Variants in PTGES observed in about 807,000 individuals in gnomAD.
PTGES encodes the protein MGST1-like 1.
A neutral mutation model predicts 11.8 loss-of-function variants in PTGES; 3 were observed. That is an observed-to-expected ratio of 0.25 (90% confidence interval 0.12 to 0.66). The LOEUF (loss-of-function observed/expected upper bound fraction) is 0.66, where lower values mean the gene tolerates loss of function less well. PTGES is among the 30% of genes least tolerant of loss of function. The pLI, the probability that PTGES is intolerant of heterozygous loss-of-function variation, is 0.82. For missense variants in PTGES, 180 were observed against 213.0 expected (o/e 0.85, Z 0.96); for synonymous variants, 94 against 90.4 (o/e 1.04, Z -0.22).
rs200179410 is a variant in PTGES, at chr9:129,739,847, C to T, written c.223G>A (p.Asp75Asn). ...VERCLRAHRN[D>N]METIYPFLFL... is the part of the protein sequence containing the mutation. ...AGGAAGGGGTAGATGGTCTCCATGT[C>T]GTTCCGGTGGGCCCTGGGGAGACAA... The change falls in exon 3 of 3, where the codon GAC becomes AAC. Residue 75 changes from aspartate (D) to asparagine (N), a missense_variant. Coordinates refer to ENST00000340607, the MANE Select transcript of PTGES (RefSeq NM_004878.5). The surrounding 1 kb of genome is among the most constrained non-coding windows in gnomAD (Gnocchi z 5.7). 6 of 1,568,452 alleles carry T rather than the reference C, an allele frequency of 3.8e-6. No homozygotes were observed. The highest frequency in any genetic ancestry group is 5.2e-6 in the Non-Finnish European group (6 of 1,156,270).
At chr9:129,740,255 G>A (rs560040666) in intron 2 of PTGES, among the ~76,000 whole-genome samples, 7 of 152,270 alleles carry the variant, frequency 4.6e-5, no homozygotes, top group African/African-American at 1.7e-4. Flanking sequence ...CAGAGCCAAC[G>A]AGTGGAGGAG....
Position 129,739,743 on chromosome 9 carries a change from G to A in PTGES, c.327C>T (p.Gly109=). The change falls in exon 3 of 3, where the codon GGC becomes GGT. Residue 109 remains glycine, a synonymous_variant. Coordinates refer to ENST00000340607, the MANE Select transcript of PTGES (RefSeq NM_004878.5). The surrounding 1 kb of genome is among the most constrained non-coding windows in gnomAD (Gnocchi z 5.7). ...AWMHFLVFLV[G]RVAHTVAYLG... is the part of the protein sequence containing the mutation. ...GGTAGGCCACGGTGTGTGCCACACG[G>A]CCCACGAGGAAGACCAGGAAGTGCA... 6.3e-7 allele frequency: 1 copy of A among 1,581,588 alleles called. No individual in the cohort carries two copies. Among genetic ancestry groups the A allele is most frequent in the Non-Finnish European group, 8.6e-7 (1 of 1,163,520 alleles).
Position 129,739,433 on chromosome 9 carries a change from T to C in PTGES, c.*178A>G, listed in dbSNP as rs1134679. The C allele has an allele frequency of 8.5e-6, 7 of 828,294 alleles. No individual in the cohort carries two copies. The South Asian group carries it at 9.1e-5, about 11-fold the overall frequency. The allele number at this position is 828,294 out of a possible 1,614,324, so 51.3% of individuals were successfully genotyped here. Reference sequence around the variant, plus strand: ...GGGCTAAGAAACATACACACACACATACACACACACGGGCACACACACAGG... The same window carrying C: ...GGGCTAAGAAACATACACACACACACACACACACACGGGCACACACACAGG... On this transcript the variant is annotated 3_prime_UTR_variant, in exon 3 of 3. Coordinates refer to ENST00000340607, the MANE Select transcript of PTGES (RefSeq NM_004878.5). The surrounding 1 kb of genome is among the most constrained non-coding windows in gnomAD (Gnocchi z 5.7).
chr9:129,742,522 G>C (rs923935340), intron 2 of PTGES, among the ~76,000 whole-genome samples: 1 of 152,108 alleles, frequency 6.6e-6, no homozygotes, highest in African/African-American at 2.4e-5. Context: ...TGGATGAGGA[G>C]TTTTGTAATG....
chr9:129,740,217 G>A (rs1832982599), intron 2 of PTGES, among the ~76,000 whole-genome samples: 1 of 152,136 alleles, frequency 6.6e-6, no homozygotes, highest in Non-Finnish European at 1.5e-5. Context: ...GGCAGGAAAA[G>A]TGGGACTCAG....
At chr9:129,750,041 G>T (rs1833088166) in intron 1 of PTGES, among the ~76,000 whole-genome samples, 1 of 152,182 alleles carries the variant, frequency 6.6e-6, no homozygotes. Context: ...AGGGAGACCT[G>T]GAGAAGCCGC....
intron 1 of PTGES, among the ~76,000 whole-genome samples, chr9:129,749,075 T>C (rs1431607964): frequency 1.3e-5 from 2 of 152,182 alleles, no homozygotes; most frequent in African/African-American, 4.8e-5. Context: ...CTGAGAAAGT[T>C]TCTCTGAGGC....
chr9:129,740,017 G>A (rs1376659110), intron 2 of PTGES, among the ~76,000 whole-genome samples, 157 bp from the exon 3 acceptor site: 1 of 151,958 alleles, frequency 6.6e-6, no homozygotes, highest in African/African-American at 2.4e-5. Context: ...CAAGGAGATG[G>A]ATACCCCAGA....
At chr9:129,742,659 G>T (rs1349848719) in intron 2 of PTGES, among the ~76,000 whole-genome samples, 5 of 152,032 alleles carry the variant, frequency 3.3e-5, no homozygotes, top group Admixed American at 6.6e-5. Context: ...GGATCACGAG[G>T]TCAGGAGATC....
intron 1 of PTGES, among the ~76,000 whole-genome samples, chr9:129,750,130 C>G (rs1833089064): frequency 6.6e-6 from 1 of 152,194 alleles, no homozygotes. Context: ...TAAAGTCACA[C>G]TGAGATCATC....
chr9:129,751,840 CG>C (rs1833113413), intron 1 of PTGES, among the ~76,000 whole-genome samples: 1 of 152,152 alleles, frequency 6.6e-6, no homozygotes. Context: ...AGGGCTGTGG[CG>C]GGGATCTCAT....
chr9:129,742,670 G>A (rs1407386169), intron 2 of PTGES, among the ~76,000 whole-genome samples: 1 of 152,004 alleles, frequency 6.6e-6, no homozygotes, highest in Non-Finnish European at 1.5e-5. Context: ...TCAGGAGATC[G>A]AGACCATCCT....
intron 2 of PTGES, among the ~76,000 whole-genome samples, chr9:129,743,142 G>A (rs887284251): frequency 6.6e-6 from 1 of 152,178 alleles, no homozygotes; most frequent in African/African-American, 2.4e-5. Flanking sequence ...GCAATTCAGC[G>A]GTCACCAGCG....
chr9:129,751,697 G>C lies in PTGES; in HGVS notation c.126+1190C>G, dbSNP rs550382736. On this transcript the variant is annotated intron_variant, in intron 1 of 2. Transcript: ENST00000340607. Reference sequence around the variant, plus strand: ...ACAAAACAGAAACCCCCGCCTCCAAGACAGGATGTGGGCTCTGAAGCTGGA... The same window carrying C: ...ACAAAACAGAAACCCCCGCCTCCAACACAGGATGTGGGCTCTGAAGCTGGA... 3.3e-5 allele frequency among the ~76,000 whole-genome samples: 5 copies of C among 151,916 alleles called. No homozygotes were observed. The East Asian group carries it at 7.7e-4, about 23-fold the overall frequency.
intron 1 of PTGES, chr9:129,749,416 G>A (rs1405042793): frequency 1.3e-5 from 2 of 152,876 alleles, no homozygotes; most frequent in Non-Finnish European, 1.5e-5. Flanking sequence ...GGGAGGCCGA[G>A]GCAGTTGGAT....
In PTGES at chr9:129,752,987, C is replaced by T. The variant is rs776307163; in HGVS notation, c.26G>A (p.Ser9Asn). 6.2e-7 allele frequency: 1 copy of T among 1,608,694 alleles called. No homozygotes were observed. Among genetic ancestry groups the T allele is most frequent in the South Asian group, 1.1e-5 (1 of 91,090 alleles). The change falls in exon 1 of 3, where the codon AGC (serine) becomes AAC (asparagine). Residue 9 changes from serine (S) to asparagine (N), a missense_variant. Coordinates refer to ENST00000340607, the MANE Select transcript of PTGES (RefSeq NM_004878.5). ...CAGGAAGGCCGGGAGGGCCGGGCTG[C>T]TCATCACCAGGCTGTGGGCAGGCAT... is the stretch of plus-strand genomic sequence containing the variant. The part of the protein sequence containing the change: MPAHSLVM[S>N]SPALPAFLLC...
rs749272490 is a variant in PTGES, at chr9:129,748,619, C to T, written c.209+36G>A. The T allele has an allele frequency of 2.0e-6, 3 of 1,502,074 alleles. No homozygotes were observed. The South Asian group carries it at 3.9e-5, about 20-fold the overall frequency. 93.0% of individuals were successfully genotyped at this position (1,502,074 alleles called of 1,614,324 possible). A position where few individuals can be genotyped will look rare whatever the true frequency, so the allele number is the denominator to read the frequency against. ...GAAGTTCTGAAAGGGCAGGCCATGG[C>T]CAGGTGTGGCCAGGCCAGGGGCCCG... On this transcript the variant is annotated intron_variant, in intron 2 of 2. Coordinates refer to ENST00000340607, the MANE Select transcript of PTGES (RefSeq NM_004878.5).
At chr9:129,748,791 T>C (rs2130954336) in intron 1 of PTGES, 54 bp from the exon 2 acceptor site, 1 of 1,446,656 alleles carries the variant, frequency 6.9e-7, no homozygotes, top group Non-Finnish European at 9.5e-7. Flanking sequence ...CCCAGTCACC[T>C]GGGGCTATGT....
At chr9:129,741,604 T>C (rs901650993) in intron 2 of PTGES, among the ~76,000 whole-genome samples, 1 of 152,200 alleles carries the variant, frequency 6.6e-6, no homozygotes, top group Admixed American at 6.5e-5. Flanking sequence ...CCTGGGGTAC[T>C]GCCCTCAGGG....
Sources: gnomAD v4.1 joint callset for allele counts (sites outside exome capture counted in the v4.1 genomes callset) on GRCh38, gnomAD v4.1.1 for gene constraint, Gnocchi (gnomAD v3.1) non-coding constraint, MANE v1.5 for transcripts, NCBI Gene and HGNC (gene_info 2026-07-23, HGNC 2026-07-21) for gene names.